Variants in KDM5B observed in about 807,000 individuals in gnomAD.
KDM5B encodes lysine demethylase 5B, also known as lysine-specific demethylase 5B.
A neutral mutation model predicts 193.4 loss-of-function variants in KDM5B; 144 were observed. The ratio of observed to expected loss-of-function variants is 0.74; its 90% confidence interval spans 0.65 to 0.86. The LOEUF (loss-of-function observed/expected upper bound fraction) is 0.86. Among genes scored for constraint, KDM5B ranks in the 40% least tolerant of loss-of-function variants. KDM5B has a pLI of 0.00. For synonymous variants in KDM5B, 668 were observed against 682.6 expected, an observed-to-expected ratio of 0.98 and a Z score of 0.33; for missense variants, 1,833 against 1,886.9, an observed-to-expected ratio of 0.97 and a Z score of 0.53.
intron 12 of KDM5B, among the ~76,000 whole-genome samples, chr1:202,752,585 C>T (rs1655836572): frequency 6.6e-6 from 1 of 152,184 alleles, no homozygotes; most frequent in Non-Finnish European, 1.5e-5. Context: ...TCAGACTGGG[C>T]ACCCTAAAAT....
chr1:202,743,236 C>CT (rs1246990077), intron 16 of KDM5B, among the ~76,000 whole-genome samples: 10 of 147,136 alleles, frequency 6.8e-5, no homozygotes, highest in Non-Finnish European at 7.4e-5. Flanking sequence ...ATTTGACAAA[C>CT]TAAAGCAGGA....
At chr1:202,784,771 G>A (rs1189243350) in intron 1 of KDM5B, among the ~76,000 whole-genome samples, 1 of 152,212 alleles carries the variant, frequency 6.6e-6, no homozygotes, top group African/African-American at 2.4e-5. Flanking sequence ...CAGGAACGGT[G>A]GCTCATGCCA....
chr1:202,739,109 TTGTC>T lies in KDM5B; in HGVS notation c.3084+1561_3084+1564del, dbSNP rs768372425. Among the ~76,000 whole-genome samples, 17 of 152,354 alleles carry T rather than the reference TTGTC, an allele frequency of 1.1e-4. 1 individual carries two copies. Among genetic ancestry groups the T allele is most frequent in the Admixed American group, 6.5e-4 (10 of 15,306 alleles). On this transcript the variant is annotated intron_variant, in intron 20 of 26. Transcript: ENST00000367265. ...GATTCACTGAATTTGCTATTACTGA[TTGTC>T]TGAACTTCAAAGTTGTGGACAAGCC... is the stretch of plus-strand genomic sequence containing the variant.
chr1:202,790,725 A>C (rs931464320), intron 1 of KDM5B, among the ~76,000 whole-genome samples: 1 of 151,962 alleles, frequency 6.6e-6, no homozygotes, highest in African/African-American at 2.4e-5. Flanking sequence ...GTCTCAAAGA[A>C]AAAATAATAA....
intron 20 of KDM5B, among the ~76,000 whole-genome samples, chr1:202,740,123 T>G (rs1200673383): frequency 2.2e-5 from 2 of 92,826 alleles, no homozygotes; most frequent in African/African-American, 4.0e-5. Context: ...CCCACCTCCC[T>G]CCCGGACGGG....
chr1:202,776,083 A>T (rs1365247608), intron 2 of KDM5B: 5 of 151,538 alleles, frequency 3.3e-5, no homozygotes, highest in African/African-American at 1.2e-4. Context: ...TACCAAAATT[A>T]GCCAGGCTTG....
intron 11 of KDM5B, among the ~76,000 whole-genome samples, chr1:202,754,526 A>G (rs2102260407): frequency 6.6e-6 from 1 of 152,288 alleles, no homozygotes. Context: ...TCAACACAAC[A>G]AAAGAGAGGC....
intron 1 of KDM5B, chr1:202,796,024 T>G: frequency 1.0e-5 from 2 of 193,870 alleles, no homozygotes; most frequent in Non-Finnish European, 2.1e-5. Context: ...GGACTGAAGC[T>G]GCAAGATGAC....
At chr1:202,741,337 T>A in intron 19 of KDM5B, 30 bp downstream of exon 19, 1 of 1,475,512 alleles carries the variant, frequency 6.8e-7, no homozygotes, top group Non-Finnish European at 9.1e-7. Flanking sequence ...TGTCCAACCT[T>A]CCCAAAGAAA....
Position 202,790,368 on chromosome 1 carries a change from G to T in KDM5B, c.205-13274C>A, listed in dbSNP as rs554429572. ...CAACCAAGTGGATTGCTTGAGCCTG[G>T]AAGTTTGAGACCAGCCTGGGCAAGG... On this transcript the variant is annotated intron_variant, in intron 1 of 26. Coordinates refer to ENST00000367265, the MANE Select transcript of KDM5B (RefSeq NM_006618.5). 3.3e-5 allele frequency among the ~76,000 whole-genome samples: 5 copies of T among 152,228 alleles called. No individual in the cohort carries two copies. In the South Asian group the frequency reaches 1.0e-3, roughly 32 times the overall value.
intron 19 of KDM5B, 108 bp downstream of exon 19, chr1:202,741,259 A>G: frequency 1.5e-6 from 1 of 672,096 alleles, no homozygotes. Context: ...CCACATGCAT[A>G]ATAACCGCAG....
At position 202,767,190 on chromosome 1, in the gene KDM5B, T is replaced by C; in HGVS notation, c.577-130A>G. ...CTTCCAGAGGCTGCACCTCTTAAAA[T>C]ACTCTTCATATCTGTTAAATGGAGG... is the stretch of plus-strand genomic sequence containing the variant. On this transcript the variant is annotated intron_variant, in intron 4 of 26. Coordinates refer to ENST00000367265, the MANE Select transcript of KDM5B (RefSeq NM_006618.5). 3.9e-6 allele frequency: 6 copies of C among 1,550,410 alleles called. No individual in the cohort carries two copies. In the East Asian group the frequency reaches 6.7e-5, roughly 17 times the overall value.
At position 202,741,576 on chromosome 1, in the gene KDM5B, G is replaced by T. The variant is rs146836341; in HGVS notation, c.2736C>A (p.Ile912=). The change falls in exon 19 of 27, where the codon ATC becomes ATA. Residue 912 remains isoleucine (I), a synonymous_variant. Transcript: ENST00000367265. ...VELPQLAEMR[I]RLEQARWLEE... is the part of the protein sequence containing the mutation. ...CTAGCCAACGGGCTTGTTCCAAACG[G>T]ATACGCATCTCAGCAAGCTGTGGAA... 4 of 1,614,222 alleles carry T rather than the reference G, an allele frequency of 2.5e-6. No individual in the cohort carries two copies. Among genetic ancestry groups the T allele is most frequent in the Non-Finnish European group, 3.4e-6 (4 of 1,180,044 alleles).
In KDM5B at chr1:202,770,445, G is replaced by A. The variant is rs889048882; in HGVS notation, c.576+2673C>T. ...TACTGTACACCTCTGTTTTTCTTAA[G>A]TATATGTTCTTCAATTCTTCTCTCC... On this transcript the variant is annotated intron_variant, in intron 4 of 26. Transcript: ENST00000367265. 3.9e-5 allele frequency among the ~76,000 whole-genome samples: 6 copies of A among 152,076 alleles called. 1 individual carries two copies. In the East Asian group the frequency reaches 1.2e-3, roughly 29 times the overall value.
intron 20 of KDM5B, among the ~76,000 whole-genome samples, chr1:202,740,047 G>A (rs1264627852): frequency 3.9e-5 from 6 of 152,150 alleles, no homozygotes; most frequent in African/African-American, 1.4e-4. Context: ...CCCAGTAGGG[G>A]CAGCCGGGCA....
At chr1:202,776,718 CA>C (rs1342347752) in intron 2 of KDM5B, among the ~76,000 whole-genome samples, 1 of 152,108 alleles carries the variant, frequency 6.6e-6, no homozygotes, top group African/African-American at 2.4e-5. Context: ...CACACCATCA[CA>C]CGTGGCTAAT....
chr1:202,764,596 T>C (rs539554830), intron 5 of KDM5B, among the ~76,000 whole-genome samples: 19 of 151,476 alleles, frequency 1.3e-4, no homozygotes, highest in Middle Eastern at 3.4e-3. Context: ...GATGGTGCCA[T>C]TGCACTCCAG....
intron 4 of KDM5B, chr1:202,767,441 G>A (rs921324136): frequency 3.3e-5 from 43 of 1,284,802 alleles, no homozygotes; most frequent in South Asian, 8.3e-5. Flanking sequence ...GAAGCTCTGC[G>A]AAAGGTGCAG....
intron 1 of KDM5B, among the ~76,000 whole-genome samples, chr1:202,799,374 C>A (rs1349462371): frequency 2.0e-5 from 3 of 152,128 alleles, no homozygotes; most frequent in Non-Finnish European, 2.9e-5. Flanking sequence ...TAATTTTAAC[C>A]CGGGCGCGGT....
Sources: gnomAD v4.1 joint callset for allele counts (sites outside exome capture counted in the v4.1 genomes callset) on GRCh38, gnomAD v4.1.1 for gene constraint, MANE v1.5 for transcripts, NCBI Gene and HGNC (gene_info 2026-07-23, HGNC 2026-07-21) for gene names.